LINGO2: variants seen among roughly 807,000 people sequenced by gnomAD.
LINGO2 encodes the protein leucine-rich repeat and immunoglobulin-like domain-containing nogo receptor-interacting protein 2.
A neutral mutation model predicts 30.6 loss-of-function variants in LINGO2; 14 were observed. The ratio of observed to expected loss-of-function variants is 0.46; its 90% CI spans 0.30 to 0.72. The LOEUF is 0.72. Among genes scored for constraint, LINGO2 ranks in the 30% least tolerant of loss-of-function variants. The pLI is 0.07. For missense variants in LINGO2, 729 were observed against 751.7 expected, an observed-to-expected ratio of 0.97 and a Z score of 0.35; for synonymous variants, 317 against 288.5, an observed-to-expected ratio of 1.10 and a Z score of -1.00.
At chr9:29,013,542 A>G in the LINGO2 span, among the ~76,000 whole-genome samples, 2 of 152,168 alleles carry the variant, frequency 1.3e-5, no homozygotes, top group Non-Finnish European at 2.9e-5. Context: ...ACATGGAAAT[A>G]TAGCCACTTA....
At chr9:28,994,431 T>C in the LINGO2 span, among the ~76,000 whole-genome samples, 6 of 151,720 alleles carry the variant, frequency 4.0e-5, no homozygotes, top group African/African-American at 1.2e-4. Flanking sequence ...ATCGTGAAAA[T>C]GGCCATACTG....
chr9:28,042,112 A>G (rs552268226), intron 4 of LINGO2, among the ~76,000 whole-genome samples: 2 of 152,244 alleles, frequency 1.3e-5, no homozygotes, highest in South Asian at 4.1e-4. Context: ...TACAGTGTAT[A>G]AAGCACGAAG....
the LINGO2 span, among the ~76,000 whole-genome samples, chr9:28,968,760 T>C: frequency 1.3e-5 from 2 of 152,192 alleles, no homozygotes; most frequent in African/African-American, 4.8e-5. Flanking sequence ...TATCTTCATG[T>C]TTCTTGGAAC....
At chr9:28,427,282 G>A (rs1823452329) in intron 2 of LINGO2, among the ~76,000 whole-genome samples, 1 of 152,036 alleles carries the variant, frequency 6.6e-6, no homozygotes, top group Admixed American at 6.6e-5. Flanking sequence ...TGGATAATGG[G>A]GCACTAGAGG....
the LINGO2 span, among the ~76,000 whole-genome samples, chr9:28,872,258 T>A: frequency 3.9e-5 from 6 of 152,044 alleles, no homozygotes; most frequent in African/African-American, 1.2e-4. Context: ...ATCCATGAAA[T>A]GTGTCATTTA....
chr9:28,426,099 C>A (rs1823400219), intron 2 of LINGO2, among the ~76,000 whole-genome samples: 3 of 151,878 alleles, frequency 2.0e-5, no homozygotes, highest in Non-Finnish European at 4.4e-5. Context: ...AAATGAAATT[C>A]TTCTTTCTGC....
chr9:28,371,988 T>C (rs1820919983), intron 3 of LINGO2, among the ~76,000 whole-genome samples: 2 of 152,092 alleles, frequency 1.3e-5, no homozygotes, highest in African/African-American at 4.8e-5. Context: ...AGCCAAACAA[T>C]GTACGAAGAG....
intron 4 of LINGO2, among the ~76,000 whole-genome samples, chr9:28,081,374 T>C (rs1459487203): frequency 6.6e-6 from 1 of 152,022 alleles, no homozygotes; most frequent in African/African-American, 2.4e-5. Flanking sequence ...TTACCTCTTA[T>C]GATGAACCAC....
the LINGO2 span, among the ~76,000 whole-genome samples, chr9:29,114,178 A>ATTTTT: frequency 6.7e-6 from 1 of 150,240 alleles, no homozygotes; most frequent in African/African-American, 2.5e-5. Flanking sequence ...AATAATATAT[A>ATTTTT]TATTTTTTTT....
intron 2 of LINGO2, among the ~76,000 whole-genome samples, chr9:28,413,513 G>C (rs1822851604): frequency 6.6e-6 from 1 of 152,028 alleles, no homozygotes; most frequent in Non-Finnish European, 1.5e-5. Flanking sequence ...CCTCTCAGTA[G>C]CTCTGTGGTA....
At chr9:28,441,051 C>T (rs1001020503) in intron 2 of LINGO2, among the ~76,000 whole-genome samples, 4 of 152,026 alleles carry the variant, frequency 2.6e-5, no homozygotes, top group Non-Finnish European at 5.9e-5. Flanking sequence ...AATCCACCCT[C>T]ATGAATTGAT....
intron 4 of LINGO2, chr9:28,149,092 C>G: frequency 2.0e-6 from 3 of 1,533,866 alleles, no homozygotes; most frequent in Non-Finnish European, 1.7e-6. Context: ...GTCAGGCTTC[C>G]CAAAGAGAAG....
chr9:28,481,224 G>A (rs981392410), intron 1 of LINGO2, among the ~76,000 whole-genome samples: 8 of 152,102 alleles, frequency 5.3e-5, no homozygotes, highest in Non-Finnish European at 1.0e-4. Flanking sequence ...CTTCATAACT[G>A]TGACTAAATT....
At chr9:28,330,331 C>G (rs1825375602) in intron 3 of LINGO2, among the ~76,000 whole-genome samples, 1 of 152,026 alleles carries the variant, frequency 6.6e-6, no homozygotes, top group African/African-American at 2.4e-5. Flanking sequence ...ACAGCCCAAG[C>G]TAAGACAAAG....
chr9:29,106,037 C>T, the LINGO2 span, among the ~76,000 whole-genome samples: 6 of 152,098 alleles, frequency 3.9e-5, no homozygotes, highest in Non-Finnish European at 7.4e-5. Flanking sequence ...CATGCCAGAA[C>T]CATGGGAAAT....
chr9:28,640,854 T>C (rs765012100), intron 1 of LINGO2, among the ~76,000 whole-genome samples: 1 of 152,200 alleles, frequency 6.6e-6, no homozygotes, highest in Non-Finnish European at 1.5e-5. Context: ...TCCAGCTTTG[T>C]TCTGTTGCTG....
chr9:28,625,990 T>TAAAACAAAAC (rs200686915), intron 1 of LINGO2, among the ~76,000 whole-genome samples: 7 of 146,288 alleles, frequency 4.8e-5, no homozygotes, highest in African/African-American at 1.6e-4. Context: ...TTGACTTTAC[T>TAAAACAAAAC]AAAACAAAAC....
intron 2 of LINGO2, among the ~76,000 whole-genome samples, chr9:28,397,543 C>CTTTTTTTTTT (rs386414751): frequency 3.6e-5 from 4 of 110,026 alleles, no homozygotes; most frequent in East Asian, 3.4e-4. Flanking sequence ...CAATAGATGT[C>CTTTTTTTTTT]TTTTTTTTTT....
chr9:28,848,363 T>G, the LINGO2 span, among the ~76,000 whole-genome samples: 2 of 74,666 alleles, frequency 2.7e-5, no homozygotes, highest in Admixed American at 1.9e-4. Context: ...TACACATATA[T>G]TGTGTGTGTG....
Sources: gnomAD v4.1 joint callset for allele counts (sites outside exome capture counted in the v4.1 genomes callset) on GRCh38, gnomAD v4.1.1 for gene constraint, MANE v1.5 for transcripts, NCBI Gene and HGNC (gene_info 2026-07-23, HGNC 2026-07-21) for gene names.